ETS1: variants seen among roughly 807,000 people sequenced by gnomAD.
ETS1 encodes the protein ETS proto-oncogene 1, transcription factor.
In ETS1, 15 loss-of-function variants were observed where a neutral mutation model predicts 58.6. The observed-to-expected ratio is 0.26, with a 90% confidence interval of 0.17 to 0.39. The LOEUF is 0.39. ETS1 is among the 10% of genes least tolerant of loss of function. The pLI, the probability that ETS1 is intolerant of heterozygous loss-of-function variation, is 1.00. For synonymous variants in ETS1, 214 were observed against 218.2 expected, an observed-to-expected ratio of 0.98 and a Z score of 0.17; for missense variants, 417 against 610.5, an observed-to-expected ratio of 0.68 and a Z score of 3.34.
chr11:128,486,268 C>A, intron 5 of ETS1, 122 bp from the exon 6 acceptor site: 2 of 639,734 alleles, frequency 3.1e-6, no homozygotes, highest in South Asian at 4.1e-5. Flanking sequence ...TCTGCATACT[C>A]ATTAACTGGG....
At chr11:128,545,583 G>T (rs937612555) in intron 3 of ETS1, among the ~76,000 whole-genome samples, 11 of 152,152 alleles carry the variant, frequency 7.2e-5, no homozygotes, top group African/African-American at 2.7e-4. Flanking sequence ...CATACAGAAG[G>T]CATTTAATGA....
chr11:128,539,447 C>T (rs1453260633), intron 3 of ETS1, among the ~76,000 whole-genome samples: 1 of 152,140 alleles, frequency 6.6e-6, no homozygotes, highest in East Asian at 1.9e-4. Context: ...GTGAGAAAAG[C>T]TCAATATCAT....
intron 1 of ETS1, among the ~76,000 whole-genome samples, chr11:128,584,466 C>T (rs1013087367): frequency 7.2e-5 from 11 of 152,246 alleles, no homozygotes; most frequent in Admixed American, 1.3e-4. Flanking sequence ...ATGGGGATGA[C>T]GAGAGTGGAG....
At chr11:128,548,792 G>A (rs1291448422) in intron 3 of ETS1, among the ~76,000 whole-genome samples, 1 of 152,230 alleles carries the variant, frequency 6.6e-6, no homozygotes, top group Non-Finnish European at 1.5e-5. Flanking sequence ...CCGCGTTGCT[G>A]GCAGCGCCGG....
Position 128,464,871 on chromosome 11 carries a change from T to C in ETS1, c.1124-1244A>G, listed in dbSNP as rs1252551001. Among the ~76,000 whole-genome samples the C allele has an allele frequency of 2.6e-5, 4 of 152,362 alleles. No homozygotes were observed. The East Asian group carries it at 5.8e-4, about 22-fold the overall frequency. ...CAAGACATTTTCACATGCATCGTTG[T>C]GCTTGCTCCTAAAATCCACACCCAA... On this transcript the variant is annotated intron_variant, in intron 8 of 9. Coordinates refer to ENST00000392668, the MANE Select transcript of ETS1 (RefSeq NM_001143820.2). The surrounding 1 kb of genome is among the most constrained non-coding windows in gnomAD (Gnocchi z 4.1).
intron 3 of ETS1, among the ~76,000 whole-genome samples, chr11:128,501,140 T>C: frequency 6.6e-6 from 1 of 152,152 alleles, no homozygotes; most frequent in African/African-American, 2.4e-5. Context: ...AACTCCGTGG[T>C]TCCTTCAACC....
intron 2 of ETS1, among the ~76,000 whole-genome samples, chr11:128,563,575 CCA>C (rs1270534025): frequency 1.3e-5 from 2 of 152,198 alleles, no homozygotes; most frequent in Non-Finnish European, 2.9e-5. Context: ...GCTGATCCAT[CCA>C]CATTCTTTCT....
chr11:128,551,184 C>T (rs1864222796), intron 3 of ETS1, among the ~76,000 whole-genome samples: 1 of 152,198 alleles, frequency 6.6e-6, no homozygotes, highest in Non-Finnish European at 1.5e-5. Context: ...AACCACAGAC[C>T]TGCCATAAGA....
In ETS1 at chr11:128,566,549, T is replaced by A. The variant is rs144017014; in HGVS notation, c.69+6513A>T. On this transcript the variant is annotated intron_variant, in intron 2 of 9. Transcript: ENST00000392668. ...CTGTAATCCCAGCACTTTGGGAGGC[T>A]AAGGTGGGCAGATCACGAGGTCAGG... Among the ~76,000 whole-genome samples, 10 of 152,064 alleles carry A rather than the reference T, an allele frequency of 6.6e-5. No homozygotes were observed. In the South Asian group the frequency reaches 1.5e-3, roughly 22 times the overall value.
At chr11:128,522,080 G>T (rs776321143) in intron 3 of ETS1, 211 of 1,381,542 alleles carry the variant, frequency 1.5e-4, no homozygotes, top group Non-Finnish European at 1.8e-4. Context: ...GTAACAGGGG[G>T]AAGGGGACGG....
At chr11:128,489,689 T>C (rs12277639) in intron 4 of ETS1, among the ~76,000 whole-genome samples, 199 bp from the exon 5 acceptor site, 57 of 152,322 alleles carry the variant, frequency 3.7e-4, no homozygotes, top group African/African-American at 1.3e-3. Flanking sequence ...CCGCCTTCTC[T>C]ATTTCACCAG....
At chr11:128,551,181 G>T (rs1054015412) in intron 3 of ETS1, among the ~76,000 whole-genome samples, 5 of 152,194 alleles carry the variant, frequency 3.3e-5, no homozygotes, top group African/African-American at 9.7e-5. Context: ...TAAAACCACA[G>T]ACCTGCCATA....
At chr11:128,558,681 A>G (rs1275409206) in intron 2 of ETS1, among the ~76,000 whole-genome samples, 1 of 148,844 alleles carries the variant, frequency 6.7e-6, no homozygotes, top group African/African-American at 2.5e-5. Context: ...AAAAAAAAAA[A>G]AAAGAGAGAG....
intron 3 of ETS1, among the ~76,000 whole-genome samples, chr11:128,498,389 T>C (rs547036261): frequency 6.6e-6 from 1 of 152,244 alleles, no homozygotes; most frequent in South Asian, 2.1e-4. Context: ...TAAATGGAAA[T>C]TGACATCCCC....
chr11:128,568,250 C>T (rs1025246715), intron 2 of ETS1, among the ~76,000 whole-genome samples: 3 of 152,068 alleles, frequency 2.0e-5, no homozygotes, highest in East Asian at 3.9e-4. Context: ...TCCTCCTTGC[C>T]GGTGAGACAT....
At chr11:128,537,314 A>G (rs1863985081) in intron 3 of ETS1, among the ~76,000 whole-genome samples, 1 of 152,162 alleles carries the variant, frequency 6.6e-6, no homozygotes, top group Non-Finnish European at 1.5e-5. Context: ...CAGAGTGTGT[A>G]GGGGGAGAGG....
chr11:128,580,101 C>T (rs1325575613), intron 1 of ETS1, among the ~76,000 whole-genome samples: 1 of 145,932 alleles, frequency 6.9e-6, no homozygotes, highest in Non-Finnish European at 1.5e-5. Flanking sequence ...ACCTAAAGTA[C>T]TTGAAACAGA....
intron 2 of ETS1, among the ~76,000 whole-genome samples, chr11:128,568,149 G>A (rs1864543337): frequency 6.6e-6 from 1 of 152,144 alleles, no homozygotes; most frequent in Non-Finnish European, 1.5e-5. Flanking sequence ...GGAGGTGAGT[G>A]GGCAGTTCCT....
chr11:128,518,784 T>TC (rs761989883), intron 3 of ETS1, among the ~76,000 whole-genome samples: 4 of 152,254 alleles, frequency 2.6e-5, no homozygotes, highest in Non-Finnish European at 5.9e-5. Context: ...GGACAAAGCT[T>TC]CTTCCTATCT....
Sources: gnomAD v4.1 joint callset for allele counts (sites outside exome capture counted in the v4.1 genomes callset) on GRCh38, gnomAD v4.1.1 for gene constraint, Gnocchi (gnomAD v3.1) non-coding constraint, MANE v1.5 for transcripts, NCBI Gene and HGNC (gene_info 2026-07-23, HGNC 2026-07-21) for gene names.